Variants in AKAP7 observed in about 807,000 individuals in gnomAD.
AKAP7 encodes A-kinase anchoring protein 7.
In AKAP7, 39 loss-of-function variants were observed where a neutral mutation model predicts 39.5. That is an observed-to-expected ratio of 0.99 (90% CI 0.76 to 1.29). AKAP7 has a LOEUF of 1.29. Ranked by LOEUF, AKAP7 falls within the 50% of genes most tolerant of loss-of-function variation. AKAP7 has a pLI of 0.00. For missense variants in AKAP7, 414 were observed against 407.7 expected (o/e 1.02, Z -0.13); for synonymous variants, 140 against 139.1 (o/e 1.01, Z -0.05).
rs1286954467 is a variant in AKAP7 at position 131,260,310 on chromosome 6, G to A, written c.851-21220G>A. Among the ~76,000 whole-genome samples the A allele has an allele frequency of 2.0e-5, 3 of 152,004 alleles. No homozygotes were observed. In the East Asian group the frequency reaches 5.8e-4, roughly 29 times the overall value. ...AATAGAATGATTTATATTTTTTTGG[G>A]CATATACCCAGTAATGGGATTGCTG... is the stretch of plus-strand genomic sequence containing the variant. On this transcript the variant is annotated intron_variant, in intron 7 of 7. Transcript: ENST00000431975.
intron 6 of AKAP7, among the ~76,000 whole-genome samples, chr6:131,206,586 C>T (rs1180389519): frequency 1.3e-5 from 2 of 152,110 alleles, no homozygotes; most frequent in East Asian, 3.9e-4. Context: ...ATTCCAGTTC[C>T]TGAATTGTTT....
At chr6:131,211,790 A>G (rs1328145243) in intron 6 of AKAP7, among the ~76,000 whole-genome samples, 2 of 151,478 alleles carry the variant, frequency 1.3e-5, no homozygotes, top group African/African-American at 2.4e-5. Context: ...AAAAAAAAAA[A>G]AAAGAAAGAA....
intron 6 of AKAP7, among the ~76,000 whole-genome samples, chr6:131,203,587 A>G (rs1005794533): frequency 6.6e-6 from 1 of 152,196 alleles, no homozygotes; most frequent in African/African-American, 2.4e-5. Context: ...TTACAGACCT[A>G]TAGAGTGAAA....
intron 7 of AKAP7, among the ~76,000 whole-genome samples, chr6:131,254,420 C>G (rs1812684112): frequency 6.6e-6 from 1 of 152,228 alleles, no homozygotes; most frequent in Non-Finnish European, 1.5e-5. Context: ...ATTGCAGAGG[C>G]ATATGGACCA....
chr6:131,128,919 G>T, the AKAP7 span, among the ~76,000 whole-genome samples: 1 of 151,876 alleles, frequency 6.6e-6, no homozygotes, highest in Non-Finnish European at 1.5e-5. Flanking sequence ...AAACTGAGAT[G>T]AATTTAAATG....
chr6:131,238,478 A>G (rs1811270196), intron 7 of AKAP7, among the ~76,000 whole-genome samples: 1 of 152,068 alleles, frequency 6.6e-6, no homozygotes, highest in Non-Finnish European at 1.5e-5. Flanking sequence ...TTTCTGTCTC[A>G]TTGATCTGTC....
chr6:131,154,533 T>C (rs1242691959), intron 2 of AKAP7, among the ~76,000 whole-genome samples: 1 of 144,814 alleles, frequency 6.9e-6, no homozygotes, highest in East Asian at 2.1e-4. Context: ...TTAGAGAAAA[T>C]AGGAAAAGAA....
intron 3 of AKAP7, 80 bp from the exon 4 acceptor site, chr6:131,165,001 T>C: frequency 6.0e-6 from 7 of 1,175,798 alleles, no homozygotes; most frequent in Non-Finnish European, 8.2e-6. Context: ...ATTTTTCTTC[T>C]TGATTTTACA....
intron 7 of AKAP7, among the ~76,000 whole-genome samples, chr6:131,247,962 C>T (rs1355571968): frequency 6.6e-6 from 1 of 152,112 alleles, no homozygotes; most frequent in Non-Finnish European, 1.5e-5. Context: ...AGAAGCAGTG[C>T]CAACAGGGAA....
At chr6:131,205,795 C>G (rs1808040406) in intron 6 of AKAP7, among the ~76,000 whole-genome samples, 3 of 152,120 alleles carry the variant, frequency 2.0e-5, no homozygotes, top group Non-Finnish European at 2.9e-5. Flanking sequence ...AATAAAACAT[C>G]AAAAGGAATC....
intron 5 of AKAP7, chr6:131,184,661 A>T: frequency 1.3e-6 from 1 of 770,690 alleles, no homozygotes. Context: ...TTAATCTTTG[A>T]GTTCCCCAGG....
chr6:131,153,710 A>G (rs1467879754), intron 2 of AKAP7, among the ~76,000 whole-genome samples: 1 of 152,134 alleles, frequency 6.6e-6, no homozygotes, highest in East Asian at 1.9e-4. Flanking sequence ...CCTTTTTAGT[A>G]TTGTTCATAT....
chr6:131,164,459 A>C (rs567967587), intron 3 of AKAP7: 1 of 455,768 alleles, frequency 2.2e-6, no homozygotes, highest in East Asian at 7.0e-5. Context: ...TTTCTCCTGG[A>C]TGCAGATTCT....
intron 7 of AKAP7, among the ~76,000 whole-genome samples, chr6:131,278,553 A>G (rs1280060720): frequency 6.6e-6 from 1 of 152,184 alleles, no homozygotes; most frequent in Non-Finnish European, 1.5e-5. Context: ...TCATGGTTCC[A>G]CAGGCTGTAC....
chr6:131,260,172 TA>T (rs1330077551), intron 7 of AKAP7, among the ~76,000 whole-genome samples: 2 of 152,324 alleles, frequency 1.3e-5, no homozygotes, highest in East Asian at 3.9e-4. Context: ...CCATGGTGTA[TA>T]TGTACCACAT....
intron 4 of AKAP7, 84 bp from the exon 5 acceptor site, chr6:131,169,029 C>T (rs746398749): frequency 2.7e-5 from 33 of 1,212,718 alleles, no homozygotes; most frequent in Non-Finnish European, 3.7e-5. Flanking sequence ...ATTCATCTTT[C>T]TAAAACTGGT....
intron 6 of AKAP7, among the ~76,000 whole-genome samples, chr6:131,207,094 A>G (rs1162887791): frequency 1.3e-5 from 2 of 152,172 alleles, no homozygotes; most frequent in South Asian, 2.1e-4. Flanking sequence ...TGAAATGTCT[A>G]TAAGGTAAAC....
chr6:131,266,297 C>T (rs1410644785), intron 7 of AKAP7, among the ~76,000 whole-genome samples: 1 of 152,202 alleles, frequency 6.6e-6, no homozygotes, highest in Admixed American at 6.5e-5. Context: ...AGTACACATG[C>T]ACTTGTTCCC....
At chr6:131,268,692 T>G (rs1814020191) in intron 7 of AKAP7, among the ~76,000 whole-genome samples, 1 of 152,224 alleles carries the variant, frequency 6.6e-6, no homozygotes, top group Non-Finnish European at 1.5e-5. Flanking sequence ...TGACCTTATT[T>G]CTGCTCATAT....
Sources: allele counts gnomAD v4.1 joint callset (sites outside exome capture counted in the v4.1 genomes callset), GRCh38; gene constraint gnomAD v4.1.1; transcripts MANE v1.5; gene names NCBI Gene and HGNC (gene_info 2026-07-23, HGNC 2026-07-21).